BUD23: variants seen among roughly 807,000 people sequenced by gnomAD.
BUD23 encodes the protein 18S rRNA (guanine-N(7))-methyltransferase.
BUD23 carries 34 observed loss-of-function variants against 47.0 expected under a neutral mutation model. That is an observed-to-expected ratio of 0.72 (90% CI 0.55 to 0.96). BUD23 has a LOEUF of 0.96. BUD23 is among the 40% of genes least tolerant of loss of function. The probability of loss-of-function intolerance (pLI) is 0.00; values close to 1 mark genes in which losing one functional copy is unlikely to be tolerated. For synonymous variants in BUD23, 124 were observed against 132.0 expected (o/e 0.94, Z 0.41); for missense variants, 343 against 361.2 (o/e 0.95, Z 0.41).
At chr7:73,692,223 G>A (rs1245272563) in intron 6 of BUD23, among the ~76,000 whole-genome samples, 1 of 152,178 alleles carries the variant, frequency 6.6e-6, no homozygotes, top group Non-Finnish European at 1.5e-5. Context: ...TCTCCCTGCT[G>A]GAAGGCTCCT....
chr7:73,685,369 C>T (rs1259141772), intron 2 of BUD23, among the ~76,000 whole-genome samples: 2 of 152,244 alleles, frequency 1.3e-5, no homozygotes, highest in African/African-American at 4.8e-5. Context: ...ATGGCATGAT[C>T]CCTGCCGACT....
chr7:73,690,866 G>A (rs1554613874), intron 5 of BUD23, 50 bp from the exon 6 acceptor site: 1 of 1,459,700 alleles, frequency 6.9e-7, no homozygotes, highest in South Asian at 1.1e-5. Flanking sequence ...AAGTGGTTGG[G>A]GGAGCAACGT....
chr7:73,695,783 CA>C (rs1798379737), intron 10 of BUD23: 1 of 152,270 alleles, frequency 6.6e-6, no homozygotes. Flanking sequence ...TTCTGCATAG[CA>C]GCAAGACTGG....
chr7:73,696,093 C>T (rs1181629049), intron 10 of BUD23: 1 of 152,122 alleles, frequency 6.6e-6, no homozygotes, highest in African/African-American at 2.4e-5. Context: ...ATCTGAGGTC[C>T]AGTTGACATG....
At chr7:73,683,924 G>C (rs782719104) in intron 2 of BUD23, 120 bp downstream of exon 2, 2 of 1,591,570 alleles carry the variant, frequency 1.3e-6, no homozygotes, top group East Asian at 2.2e-5. Context: ...AAGGACCCGG[G>C]TGGGTGCCGA....
intron 8 of BUD23, 41 bp from the exon 9 acceptor site, chr7:73,693,583 C>T: frequency 6.2e-7 from 1 of 1,613,668 alleles, no homozygotes; most frequent in Non-Finnish European, 8.5e-7. Flanking sequence ...CCCTGTGGGG[C>T]TTTCTCCACC....
intron 9 of BUD23, 129 bp from the exon 10 acceptor site, chr7:73,693,863 C>A: frequency 1.5e-6 from 2 of 1,364,480 alleles, no homozygotes; most frequent in South Asian, 1.2e-5. Context: ...AAAGGCGTGT[C>A]AGTTCCTTCT....
At chr7:73,694,149 C>T in intron 10 of BUD23, 99 bp downstream of exon 10, 1 of 1,270,756 alleles carries the variant, frequency 7.9e-7, no homozygotes, top group Non-Finnish European at 1.1e-6. Flanking sequence ...TCTCAGGTCA[C>T]ATGCAGCAGG....
At chr7:73,688,627 C>G (rs544188269) in intron 5 of BUD23, among the ~76,000 whole-genome samples, 66 of 152,338 alleles carry the variant, frequency 4.3e-4, no homozygotes, top group Middle Eastern at 3.4e-3. Context: ...GGTTAAACAT[C>G]CACATAGCAC....
At chr7:73,689,737 T>C (rs1192728150) in intron 5 of BUD23, among the ~76,000 whole-genome samples, 5 of 152,102 alleles carry the variant, frequency 3.3e-5, no homozygotes, top group Non-Finnish European at 5.9e-5. Context: ...GGCACTTAAG[T>C]GTGTCCTAAG....
At position 73,686,815 on chromosome 7, in the gene BUD23, C is replaced by T; in HGVS notation, c.183-3C>T. 1 of 1,614,140 alleles carries T rather than the reference C, an allele frequency of 6.2e-7. No homozygotes were observed. The highest frequency in any genetic ancestry group is 8.5e-7 in the Non-Finnish European group (1 of 1,180,008). ...ACCCTGAGTGTCTGGTCATGTCTTC[C>T]AGCTGTGGCACTGGGCTGAGTGGAA... is the stretch of plus-strand genomic sequence containing the variant. On this transcript the variant is annotated splice_polypyrimidine_tract_variant and splice_region_variant and intron_variant, in intron 3 of 11. Transcript: ENST00000265758.
At chr7:73,692,535 G>A (rs1238052982) in intron 6 of BUD23, 61 bp from the exon 7 acceptor site, 9 of 1,505,822 alleles carry the variant, frequency 6.0e-6, no homozygotes, top group African/African-American at 1.4e-5. Context: ...GAAGAGAGGG[G>A]TGTCCAGGCC....
chr7:73,697,387 C>T, intron 10 of BUD23: 1 of 1,519,294 alleles, frequency 6.6e-7, no homozygotes, highest in Non-Finnish European at 8.8e-7. Context: ...CTCTCCTCCT[C>T]TGCCCACCCA....
rs116234888 is a variant in BUD23, at chr7:73,683,689, C to G, written c.48+16C>G. 2.5e-3 allele frequency: 4,058 copies of G among 1,613,838 alleles called. 82 individuals carry two copies. The African/African-American group carries it at 0.048, about 19-fold the overall frequency. On this transcript the variant is annotated intron_variant, in intron 1 of 11. Transcript: ENST00000265758. ...CCCAGAGCTGGTAAGTCCCGGGGCC[C>G]GCGGACACCCCTCTCCCCACTTCTG...
Position 73,686,888 on chromosome 7 carries a change from C to T in BUD23, c.253C>T (p.Pro85Ser). The T allele has an allele frequency of 1.2e-6, 2 of 1,614,168 alleles. No homozygotes were observed. The highest frequency in any genetic ancestry group is 2.2e-5 in the South Asian group (2 of 91,078). Residue 85 changes from proline to serine, a missense_variant, in exon 4 of 12, where the codon CCT becomes TCT. By Grantham distance (74) the Pro-to-Ser change is moderately conservative. Coordinates refer to ENST00000265758, the MANE Select transcript of BUD23 (RefSeq NM_017528.5). Reference protein sequence around the residue: ...GHYWVGLDISPAMLDEAVDRE... With the variant: ...GHYWVGLDISSAMLDEAVDRE... ...CTATTGGGTGGGCCTGGATATCAGC[C>T]CTGCCATGCTGGGTAAGTATGTCCT...
chr7:73,692,167 C>A (rs1032791361), intron 6 of BUD23, among the ~76,000 whole-genome samples: 1 of 152,170 alleles, frequency 6.6e-6, no homozygotes, highest in Non-Finnish European at 1.5e-5. Context: ...CTCCTCCTGG[C>A]ACACTGGGTT....
chr7:73,686,833 G>A lies in BUD23; in HGVS notation c.198G>A (p.Leu66=), dbSNP rs781788514. 3 of 1,614,218 alleles carry A rather than the reference G, an allele frequency of 1.9e-6. No individual in the cohort carries two copies. The South Asian group carries it at 3.3e-5, about 18-fold the overall frequency. Residue 66 remains leucine, a synonymous_variant, in exon 4 of 12, where the codon CTG becomes CTA. Transcript: ENST00000265758. ...YLLDIGCGTG[L]SGSYLSDEGH... Reference sequence around the variant, plus strand: ...TGTCTTCCAGCTGTGGCACTGGGCTGAGTGGAAGTTATCTGTCAGATGAAG... The same window carrying A: ...TGTCTTCCAGCTGTGGCACTGGGCTAAGTGGAAGTTATCTGTCAGATGAAG...
intron 2 of BUD23, 145 bp from the exon 3 acceptor site, chr7:73,686,491 G>T: frequency 1.4e-6 from 1 of 717,516 alleles, no homozygotes; most frequent in Non-Finnish European, 2.4e-6. Context: ...AACTTAGAAG[G>T]GGTCAGAAAA....
At chr7:73,691,678 C>A (rs530612083) in intron 6 of BUD23, among the ~76,000 whole-genome samples, 2 of 152,082 alleles carry the variant, frequency 1.3e-5, no homozygotes, top group East Asian at 1.9e-4. Context: ...TAGCTCACTG[C>A]GCCCTCGAAC....
Sources: allele counts gnomAD v4.1 joint callset (sites outside exome capture counted in the v4.1 genomes callset), GRCh38; gene constraint gnomAD v4.1.1; transcripts MANE v1.5; gene names NCBI Gene and HGNC (gene_info 2026-07-23, HGNC 2026-07-21).